Variants in FAM83E observed in about 807,000 individuals in gnomAD.
FAM83E encodes the protein protein FAM83E.
In FAM83E, 29 loss-of-function variants were observed where a neutral mutation model predicts 34.3. The observed-to-expected ratio is 0.85, with a 90% CI of 0.63 to 1.15. The LOEUF (loss-of-function observed/expected upper bound fraction) is 1.15, where lower values mean the gene tolerates loss of function less well. Among genes scored for constraint, FAM83E ranks in the 50% most tolerant of loss-of-function variants. FAM83E has a pLI of 0.00. For missense variants in FAM83E, 697 were observed against 685.0 expected, an observed-to-expected ratio of 1.02 and a Z score of -0.20; for synonymous variants, 312 against 311.6, an observed-to-expected ratio of 1.00 and a Z score of -0.01.
rs373966758 is a variant in FAM83E at position 48,603,542 on chromosome 19, G to A, written c.1128C>T (p.Asp376=). The A allele has an allele frequency of 1.3e-5, 20 of 1,568,120 alleles. No individual in the cohort carries two copies. The African/African-American group carries it at 2.7e-4, about 21-fold the overall frequency. The change falls in exon 6 of 7, where the codon GAC becomes GAT. Residue 376 remains aspartate, a synonymous_variant. Transcript: ENST00000263266. ...PPARPSRSMW[D]LSRLSQLSGS... ...CAGACAGCTGGGACAGGCGGCTTAG[G>A]TCCCACATGGAGCGGCTGGGCCGGG...
chr19:48,602,510 G>A (rs998314878), intron 6 of FAM83E, among the ~76,000 whole-genome samples: 2 of 150,030 alleles, frequency 1.3e-5, no homozygotes, highest in African/African-American at 4.9e-5. Flanking sequence ...TCTGCCAGCC[G>A]GGATCAAATA....
At chr19:48,614,908 C>CG in intron 1 of FAM83E, 29 bp downstream of exon 1, 1 of 520,266 alleles carries the variant, frequency 1.9e-6, no homozygotes, top group Non-Finnish European at 2.5e-6. Context: ...GGAGGAGGTC[C>CG]GGGGGTGCGG....
intron 5 of FAM83E, among the ~76,000 whole-genome samples, chr19:48,604,250 C>T (rs996001933): frequency 5.1e-4 from 77 of 151,500 alleles, no homozygotes; most frequent in Non-Finnish European, 9.6e-4. Context: ...AAAAACTAGC[C>T]AGGTGTGGTG....
At chr19:48,604,623 G>A (rs987444311) in intron 5 of FAM83E, among the ~76,000 whole-genome samples, 16 of 147,182 alleles carry the variant, frequency 1.1e-4, no homozygotes, top group African/African-American at 2.0e-4. Flanking sequence ...TGAGCCACCC[G>A]TGCCCGGCTG....
intron 1 of FAM83E, 38 bp downstream of exon 1, chr19:48,614,899 G>A (rs1974124046): frequency 1.6e-6 from 1 of 633,136 alleles, no homozygotes; most frequent in South Asian, 7.0e-5. Context: ...CAGGCCCCTG[G>A]AGGAGGTCCG....
rs532162334 is a variant in FAM83E, at chr19:48,603,569, C to T, written c.1101G>A (p.Pro367=). 7.6e-5 allele frequency: 119 copies of T among 1,555,562 alleles called. 2 individuals are homozygous for T. The highest frequency in any genetic ancestry group is 6.2e-4 in the South Asian group (54 of 87,522). The change falls in exon 6 of 7, where the codon CCG becomes CCA. Residue 367 remains proline (P), a synonymous_variant. Transcript: ENST00000263266. ...CCCACATGGAGCGGCTGGGCCGGGC[C>T]GGGGGGCCGCTGGGGGTCCGGGCGC... ...VQRARTPSGP[P]ARPSRSMWDL...
Position 48,613,288 on chromosome 19 carries a change from C to A in FAM83E, c.85G>T (p.Glu29Ter). 4.4e-6 allele frequency: 7 copies of A among 1,608,236 alleles called. No homozygotes were observed. The highest frequency in any genetic ancestry group is 5.1e-6 in the Non-Finnish European group (6 of 1,179,082). ...PGASPGFLYS[E>*]GQRLALEALL... ...GCCTCCAGTGCCAGCCGCTGGCCCT[C>A]GGAATATAGAAAGCCGGGGCTGGCC... The change falls in exon 3 of 7, where the codon GAG becomes TAG. Residue 29 changes from glutamate (E) to a stop codon, truncating the protein, a stop_gained. Transcript: ENST00000263266. LOFTEE classifies it high-confidence loss of function.
At chr19:48,606,461 C>T (rs1973930452) in intron 5 of FAM83E, among the ~76,000 whole-genome samples, 1 of 124,194 alleles carries the variant, frequency 8.1e-6, no homozygotes, top group Admixed American at 8.0e-5. Context: ...TCACTTTCCC[C>T]AGCCTTAGTT....
intron 1 of FAM83E, 22 bp downstream of exon 1, chr19:48,614,915 G>T: frequency 2.2e-6 from 1 of 446,218 alleles, no homozygotes; most frequent in Non-Finnish European, 3.0e-6. Context: ...GTCCGGGGGT[G>T]CGGCTCACAC....
intron 3 of FAM83E, among the ~76,000 whole-genome samples, chr19:48,611,086 T>A (rs912169553): frequency 2.0e-5 from 3 of 152,096 alleles, no homozygotes; most frequent in African/African-American, 7.2e-5. Context: ...TCCTCGAGAT[T>A]CCCGGCCCCT....
chr19:48,607,874 G>A (rs1017085271), intron 5 of FAM83E, among the ~76,000 whole-genome samples: 4 of 143,692 alleles, frequency 2.8e-5, no homozygotes, highest in African/African-American at 1.0e-4. Context: ...TATGAGCCAC[G>A]GCACCTGGCC....
At chr19:48,603,241 A>G (rs1266379783) in intron 6 of FAM83E, among the ~76,000 whole-genome samples, 2 of 152,062 alleles carry the variant, frequency 1.3e-5, no homozygotes, top group Admixed American at 6.6e-5. Flanking sequence ...CCCCCCACCT[A>G]GTCTGTCATG....
Position 48,614,511 on chromosome 19 carries a change from C to T in FAM83E, c.-1139G>A, listed in dbSNP as rs1039013054. On this transcript the variant is annotated 5_prime_UTR_variant, in exon 3 of 7. Transcript: ENST00000263266. ...CTCCCTCCCAAGCCTCAGTTATCCCCTTGAGGCTCCTGACCCAACCTCGGG... is the reference window on the plus strand; with the variant it reads ...CTCCCTCCCAAGCCTCAGTTATCCCTTTGAGGCTCCTGACCCAACCTCGGG... 43 of 985,532 alleles carry T rather than the reference C, an allele frequency of 4.4e-5. No individual in the cohort carries two copies. Among genetic ancestry groups the T allele is most frequent in the Non-Finnish European group, 5.2e-5 (43 of 830,118 alleles). The allele number at this position is 985,532 out of a possible 1,614,324, so 61.0% of individuals were successfully genotyped here.
At chr19:48,612,823 T>G (rs929950042) in intron 3 of FAM83E, 85 bp downstream of exon 3, 10 of 1,426,376 alleles carry the variant, frequency 7.0e-6, no homozygotes, top group Non-Finnish European at 9.3e-6. Context: ...GGTGTGCGCT[T>G]GCAAGTCCCA....
At chr19:48,607,434 GC>G in intron 5 of FAM83E, 1 of 1,478,636 alleles carries the variant, frequency 6.8e-7, no homozygotes, top group Non-Finnish European at 9.0e-7. Context: ...CCACTAAATG[GC>G]CAGAGAGGCC....
At chr19:48,607,137 C>T (rs149260271) in intron 5 of FAM83E, 9 of 1,612,760 alleles carry the variant, frequency 5.6e-6, no homozygotes, top group East Asian at 4.5e-5. Context: ...GCCACGGGGT[C>T]GCCCCGGGCA....
chr19:48,601,313 C>T lies in FAM83E; in HGVS notation c.1233G>A (p.Arg411=). The T allele has an allele frequency of 1.3e-6, 2 of 1,569,430 alleles. No individual in the cohort carries two copies. The highest frequency in any genetic ancestry group is 1.7e-6 in the Non-Finnish European group (2 of 1,156,708). Reference sequence around the variant, plus strand: ...CCCCCCAGGGGCCTCCTCCAGTGCCCCGCTGCCTCATCAGAGCCTTGGCTG... The same window carrying T: ...CCCCCCAGGGGCCTCCTCCAGTGCCTCGCTGCCTCATCAGAGCCTTGGCTG... The part of the protein sequence containing the change: ...DTPAKALMRQ[R]GTGGGPWGEV... The change falls in exon 7 of 7, where the codon CGG becomes CGA. Residue 411 remains arginine (R), a synonymous_variant. Transcript: ENST00000263266.
chr19:48,612,406 C>T (rs1214858631), intron 3 of FAM83E, among the ~76,000 whole-genome samples: 8 of 140,634 alleles, frequency 5.7e-5, no homozygotes, highest in African/African-American at 1.6e-4. Context: ...CCATTTCTTT[C>T]TTTTTTTTTT....
chr19:48,604,646 T>A (rs1199681908), intron 5 of FAM83E, among the ~76,000 whole-genome samples: 2 of 148,934 alleles, frequency 1.3e-5, no homozygotes, highest in African/African-American at 5.0e-5. Flanking sequence ...CCTGGGAAAT[T>A]GAGGCTGCAG....
Sources: gnomAD v4.1 joint callset for allele counts (sites outside exome capture counted in the v4.1 genomes callset) on GRCh38, gnomAD v4.1.1 for gene constraint, MANE v1.5 for transcripts, NCBI Gene and HGNC (gene_info 2026-07-23, HGNC 2026-07-21) for gene names.